Variants in C6orf136 observed in about 807,000 individuals in gnomAD.
The protein encoded by C6orf136 is chromosome 6 open reading frame 136.
In C6orf136, 29 loss-of-function variants were observed where a neutral mutation model predicts 44.0. The observed-to-expected ratio is 0.66, with a 90% CI of 0.49 to 0.90. The LOEUF is 0.90. Among genes scored for constraint, C6orf136 ranks in the 40% least tolerant of loss-of-function variants. The probability of loss-of-function intolerance (pLI) is 0.00; values close to 1 mark genes in which losing one functional copy is unlikely to be tolerated. For missense variants in C6orf136, 628 were observed against 669.3 expected (o/e 0.94, Z 0.68); for synonymous variants, 293 against 278.6 (o/e 1.05, Z -0.52).
At position 30,651,115 on chromosome 6, in the gene C6orf136, A is replaced by G. The variant is rs200976150; in HGVS notation, c.1106+33A>G. Reference sequence around the variant, plus strand: ...TTGGGGCACAGGTAGGGCACTGGGGAGGAAAAGCACCCAAAGGTATATACA... The same window carrying G: ...TTGGGGCACAGGTAGGGCACTGGGGGGGAAAAGCACCCAAAGGTATATACA... On this transcript the variant is annotated intron_variant, in intron 3 of 5. Coordinates refer to ENST00000651131, the MANE Select transcript of C6orf136 (RefSeq NM_001161376.2). 5 of 1,595,430 alleles carry G rather than the reference A, an allele frequency of 3.1e-6. No individual in the cohort carries two copies. In the East Asian group the frequency reaches 1.1e-4, roughly 36 times the overall value.
intron 2 of C6orf136, among the ~76,000 whole-genome samples, chr6:30,650,382 G>A (rs1481129450): frequency 6.4e-5 from 9 of 140,644 alleles, no homozygotes; most frequent in Admixed American, 7.1e-5. Flanking sequence ...GCGAGACTCC[G>A]TCTCAAAAAA....
At chr6:30,650,386 CAAA>C (rs566728636) in intron 2 of C6orf136, among the ~76,000 whole-genome samples, 3 of 110,666 alleles carry the variant, frequency 2.7e-5, no homozygotes, top group Admixed American at 1.9e-4. Flanking sequence ...GACTCCGTCT[CAAA>C]AAAAAAAAAA....
chr6:30,653,101 G>GAGAT lies in C6orf136; in HGVS notation c.*190_*193dup, dbSNP rs1767606862. On this transcript the variant is annotated 3_prime_UTR_variant, in exon 6 of 6. Transcript: ENST00000651131. ...AATAATAAAGTTTAACTGACTATAT[G>GAGAT]AGATAGAATTTCACATATCACTTTC... The GAGAT allele has an allele frequency of 1.7e-6, 2 of 1,151,502 alleles. No individual in the cohort carries two copies. The highest frequency in any genetic ancestry group is 2.7e-5 in the Admixed American group (1 of 37,232). 71.3% of individuals were successfully genotyped at this position (1,151,502 alleles called of 1,614,324 possible). A position where few individuals can be genotyped will look rare whatever the true frequency, so the allele number is the denominator to read the frequency against.
At chr6:30,648,746 C>G (rs1767127374) in intron 1 of C6orf136, among the ~76,000 whole-genome samples, 1 of 147,724 alleles carries the variant, frequency 6.8e-6, no homozygotes. Context: ...GTGGCTCACG[C>G]CTGTAATCCC....
At chr6:30,649,305 G>T (rs971226671) in intron 1 of C6orf136, among the ~76,000 whole-genome samples, 1 of 152,246 alleles carries the variant, frequency 6.6e-6, no homozygotes, top group Non-Finnish European at 1.5e-5. Flanking sequence ...GGAGGTTGCA[G>T]TGAGCTGAGA....
Position 30,647,917 on chromosome 6 carries a change from A to G in C6orf136, c.615+71A>G. On this transcript the variant is annotated intron_variant, in intron 1 of 5. Coordinates refer to ENST00000651131, the MANE Select transcript of C6orf136 (RefSeq NM_001161376.2). The surrounding 1 kb of genome is among the most constrained non-coding windows in gnomAD (Gnocchi z 4.8). Reference sequence around the variant, plus strand: ...TGGGGGGTTCCTTGGGAGCGGAGGGACTCGGGTGAGGCCTAACTTTGGGTG... The same window carrying G: ...TGGGGGGTTCCTTGGGAGCGGAGGGGCTCGGGTGAGGCCTAACTTTGGGTG... 2 of 1,422,716 alleles carry G rather than the reference A, an allele frequency of 1.4e-6. No homozygotes were observed. Among genetic ancestry groups the G allele is most frequent in the Non-Finnish European group, 1.8e-6 (2 of 1,092,610 alleles). 88.1% of individuals were successfully genotyped at this position (1,422,716 alleles called of 1,614,324 possible).
At position 30,651,046 on chromosome 6, in the gene C6orf136, T is replaced by C; in HGVS notation, c.1070T>C (p.Val357Ala). 1 of 1,614,152 alleles carries C rather than the reference T, an allele frequency of 6.2e-7. No homozygotes were observed. Among genetic ancestry groups the C allele is most frequent in the Non-Finnish European group, 8.5e-7 (1 of 1,179,986 alleles). ...GACTACAGTCTGTATTCCTTGGATG[T>C]GGAATTCATCAATGAGATCCTCAAC... ...SHDYSLYSLD[V>A]EFINEILNIR... Residue 357 changes from valine to alanine, a missense_variant, in exon 3 of 6, where the codon GTG (valine) becomes GCG (alanine). Val to Ala is a moderately conservative substitution (Grantham distance 64). Coordinates refer to ENST00000651131, the MANE Select transcript of C6orf136 (RefSeq NM_001161376.2).
chr6:30,652,283 A>ACACACACACACACAC (rs1561959009), intron 4 of C6orf136, among the ~76,000 whole-genome samples: 1 of 144,322 alleles, frequency 6.9e-6, no homozygotes, highest in African/African-American at 2.6e-5. Context: ...ACACACACAC[A>ACACACACACACACAC]AAAGTACTGA....
chr6:30,651,508 CTTTTTT>C, intron 4 of C6orf136, 42 bp downstream of exon 4: 3 of 1,360,010 alleles, frequency 2.2e-6, no homozygotes, highest in Non-Finnish European at 3.0e-6. Flanking sequence ...TAATCAGTTC[CTTTTTT>C]TTTTTTTTTT....
chr6:30,650,429 T>C (rs1264457613), intron 2 of C6orf136, among the ~76,000 whole-genome samples: 1 of 148,772 alleles, frequency 6.7e-6, no homozygotes, highest in Non-Finnish European at 1.5e-5. Flanking sequence ...TCATTTTGGG[T>C]TAAGGGAGGT....
Position 30,647,763 on chromosome 6 carries a change from C to A in C6orf136, c.532C>A (p.Arg178=). The change falls in exon 1 of 6, where the codon CGG becomes AGG. Residue 178 remains arginine (R), a synonymous_variant. Transcript: ENST00000651131. This position sits in a 1 kb window ranked among gnomAD's most constrained non-coding sequence, Gnocchi z 4.8. ...SWQEGRPVCT[R]FGPLRPGWQD... ...GCAGGAAGGCCGGCCAGTGTGCACC[C>A]GGTTCGGGCCCCTGCGCCCGGGCTG... 6.5e-7 allele frequency: 1 copy of A among 1,546,388 alleles called. No individual in the cohort carries two copies. Among genetic ancestry groups the A allele is most frequent in the Non-Finnish European group, 8.7e-7 (1 of 1,145,698 alleles).
chr6:30,650,972 G>A, intron 2 of C6orf136, 22 bp from the exon 3 acceptor site: 3 of 1,541,266 alleles, frequency 1.9e-6, no homozygotes, highest in Non-Finnish European at 2.7e-6. Flanking sequence ...CCACTGGGTT[G>A]ATGCCATCTT....
At chr6:30,650,078 TTA>T in intron 2 of C6orf136, 119 bp downstream of exon 2, 3 of 899,682 alleles carry the variant, frequency 3.3e-6, no homozygotes, top group Non-Finnish European at 5.0e-6. Context: ...TAGAAATATA[TTA>T]TAAACATTTT....
At chr6:30,648,814 C>G (rs1767137437) in intron 1 of C6orf136, among the ~76,000 whole-genome samples, 2 of 148,290 alleles carry the variant, frequency 1.3e-5, no homozygotes, top group African/African-American at 5.0e-5. Context: ...CGAGAACAGC[C>G]TGGCCAACAT....
rs1463892395 is a variant in C6orf136 at position 30,652,867 on chromosome 6, G to A, written c.1443G>A (p.Leu481=). ...KKLLVGALVA[L]GLSEPEPDLN... ...TGCTAGTGGGAGCCCTGGTGGCCCT[G>A]GGGCTGTCAGAGCCAGAACCTGACT... Residue 481 remains leucine, a synonymous_variant, in exon 6 of 6, where the codon CTG becomes CTA. Coordinates refer to ENST00000651131, the MANE Select transcript of C6orf136 (RefSeq NM_001161376.2). The A allele has an allele frequency of 6.2e-7, 1 of 1,613,028 alleles. No homozygotes were observed. The highest frequency in any genetic ancestry group is 2.2e-5 in the East Asian group (1 of 44,886).
chr6:30,647,581 A>G lies in C6orf136; in HGVS notation c.350A>G (p.Asp117Gly), dbSNP rs1766966748. The G allele has an allele frequency of 1.9e-6, 3 of 1,539,156 alleles. No homozygotes were observed. The highest frequency in any genetic ancestry group is 2.6e-6 in the Non-Finnish European group (3 of 1,138,554). Residue 117 changes from aspartate to glycine, a missense_variant, in exon 1 of 6, where the codon GAC (aspartate) becomes GGC (glycine). Around this residue, in one of 2 missense-constraint regions of C6orf136, gnomAD observed 497 missense variants for 469.2 expected, o/e 1.06. Coordinates refer to ENST00000651131, the MANE Select transcript of C6orf136 (RefSeq NM_001161376.2). The surrounding 1 kb of genome is among the most constrained non-coding windows in gnomAD (Gnocchi z 4.8). ...GCGGGGCGCGTCTGCGTTGCGCCCG[A>G]CTCTCCGCGGTTACCTGTGCCTAGA... is the stretch of plus-strand genomic sequence containing the variant. The part of the protein sequence containing the change: ...QAAGRVCVAP[D>G]SPRLPVPRGD...
chr6:30,653,044 C>T lies in C6orf136; in HGVS notation c.*129C>T, dbSNP rs1047477003. 2.9e-6 allele frequency: 3 copies of T among 1,052,380 alleles called. No homozygotes were observed. Among genetic ancestry groups the T allele is most frequent in the African/African-American group, 3.2e-5 (2 of 61,918 alleles). 65.2% of individuals were successfully genotyped at this position (1,052,380 alleles called of 1,614,324 possible). ...CTCCTTCCTTCCTTTCCATCTCATGCTGTGTAAAGCTGCTGTGTAATTTAA... is the reference window on the plus strand; with the variant it reads ...CTCCTTCCTTCCTTTCCATCTCATGTTGTGTAAAGCTGCTGTGTAATTTAA... On this transcript the variant is annotated 3_prime_UTR_variant, in exon 6 of 6. Transcript: ENST00000651131.
chr6:30,652,168 G>A (rs1767481309), intron 4 of C6orf136, among the ~76,000 whole-genome samples: 1 of 151,744 alleles, frequency 6.6e-6, no homozygotes, highest in South Asian at 2.1e-4. Flanking sequence ...ACTTCAACCT[G>A]GGAGGTTGAG....
In C6orf136 at chr6:30,647,729, G is replaced by A. The variant is rs1392990661; in HGVS notation, c.498G>A (p.Glu166=). Residue 166 remains glutamate (E), a synonymous_variant, in exon 1 of 6, where the codon GAG becomes GAA. Coordinates refer to ENST00000651131, the MANE Select transcript of C6orf136 (RefSeq NM_001161376.2). The surrounding 1 kb of genome is among the most constrained non-coding windows in gnomAD (Gnocchi z 4.8). ...PQQPARLALG[E]RSWQEGRPVC... is the part of the protein sequence containing the mutation. ...AGCCCGCCCGTCTTGCACTCGGAGA[G>A]CGGTCCTGGCAGGAAGGCCGGCCAG... The A allele has an allele frequency of 1.3e-6, 2 of 1,549,868 alleles. No individual in the cohort carries two copies. Among genetic ancestry groups the A allele is most frequent in the Non-Finnish European group, 1.7e-6 (2 of 1,146,732 alleles).
Sources: gnomAD v4.1 joint callset for allele counts (sites outside exome capture counted in the v4.1 genomes callset) on GRCh38, gnomAD v4.1.1 for gene constraint, gnomAD v4.1.1 regional missense constraint, Gnocchi (gnomAD v3.1) non-coding constraint, MANE v1.5 for transcripts, NCBI Gene and HGNC (gene_info 2026-07-23, HGNC 2026-07-21) for gene names.